The following BEND3 variants were observed in gnomAD, a reference collection of about 807,000 sequenced individuals.
BEND3 encodes BEN domain-containing protein 3.
Under a neutral mutation model 60.1 loss-of-function variants are expected in BEND3, and 13 were observed. The ratio of observed to expected loss-of-function variants is 0.22; its 90% CI spans 0.14 to 0.34. The LOEUF (loss-of-function observed/expected upper bound fraction) is 0.34, where lower values mean the gene tolerates loss of function less well. BEND3 is among the 10% of genes least tolerant of loss of function. BEND3 has a pLI of 1.00. For synonymous variants in BEND3, 497 were observed against 491.5 expected (o/e 1.01, Z -0.15); for missense variants, 896 against 1,138.1 (o/e 0.79, Z 3.06).
At chr6:107,094,321 G>A (rs1480039625) in intron 3 of BEND3, among the ~76,000 whole-genome samples, 4 of 151,918 alleles carry the variant, frequency 2.6e-5, no homozygotes, top group Non-Finnish European at 5.9e-5. Flanking sequence ...TGTCAGGGAA[G>A]CACAAATTAA....
intron 3 of BEND3, among the ~76,000 whole-genome samples, chr6:107,096,653 C>G (rs535905785): frequency 6.6e-6 from 1 of 152,072 alleles, no homozygotes; most frequent in East Asian, 1.9e-4. Flanking sequence ...AATGAAATGC[C>G]CACAATAGGC....
chr6:107,069,215 T>C lies in BEND3; in HGVS notation c.1976A>G (p.Lys659Arg), dbSNP rs1774902205. Residue 659 changes from lysine to arginine, a missense_variant, in exon 4 of 4, where the codon AAG becomes AGG. Physicochemically the swap from Lys to Arg is conservative, Grantham distance 26. Coordinates refer to ENST00000369042, the MANE Select transcript of BEND3 (RefSeq NM_001367314.1). ...EQRRSYQQQR[K>R]VHVPGPECRD... ...GCACTCAGGGCCCGGCACGTGGACC[T>C]TGCGCTGCTGCTGGTAGGAGCGCCT... 1 of 1,612,414 alleles carries C rather than the reference T, an allele frequency of 6.2e-7. No individual in the cohort carries two copies. The highest frequency in any genetic ancestry group is 8.5e-7 in the Non-Finnish European group (1 of 1,179,918).
intron 3 of BEND3, among the ~76,000 whole-genome samples, chr6:107,092,584 C>T (rs1228241232): frequency 6.6e-6 from 1 of 152,168 alleles, no homozygotes; most frequent in African/African-American, 2.4e-5. Context: ...GGATGTCTCC[C>T]TCTCCTCATT....
At chr6:107,094,170 G>C (rs185898465) in intron 3 of BEND3, among the ~76,000 whole-genome samples, 3 of 152,236 alleles carry the variant, frequency 2.0e-5, no homozygotes, top group Non-Finnish European at 4.4e-5. Flanking sequence ...CGAGGAGCTC[G>C]AGACCAGCCT....
chr6:107,111,595 A>T (rs1582678077), intron 1 of BEND3, among the ~76,000 whole-genome samples: 1 of 152,296 alleles, frequency 6.6e-6, no homozygotes, highest in African/African-American at 2.4e-5. Context: ...CATTCCAAAG[A>T]GTAATTCTAC....
chr6:107,100,614 T>TGCAAAAC (rs1465879827), intron 1 of BEND3, among the ~76,000 whole-genome samples: 2 of 152,022 alleles, frequency 1.3e-5, no homozygotes, highest in Non-Finnish European at 2.9e-5. Context: ...GGCTGCAGGG[T>TGCAAAAC]CTGAAGCAAA....
intron 3 of BEND3, among the ~76,000 whole-genome samples, chr6:107,088,489 T>C (rs973670635): frequency 6.6e-6 from 1 of 151,910 alleles, no homozygotes; most frequent in Non-Finnish European, 1.5e-5. Context: ...GTTCAGAGAA[T>C]AGCAAACATG....
In BEND3 at chr6:107,069,352, G is replaced by C; in HGVS notation, c.1839C>G (p.Leu613=). The part of the protein sequence containing the change: ...KKQLDPSRIK[L]IRHYVQLLYP... ...AGAGCAGCTGCACGTAGTGGCGGAT[G>C]AGCTTGATGCGGGAGGGGTCCAGCT... Residue 613 remains leucine, a synonymous_variant, in exon 4 of 4, where the codon CTC becomes CTG. Coordinates refer to ENST00000369042, the MANE Select transcript of BEND3 (RefSeq NM_001367314.1). 1 of 1,612,864 alleles carries C rather than the reference G, an allele frequency of 6.2e-7. No homozygotes were observed. Among genetic ancestry groups the C allele is most frequent in the Non-Finnish European group, 8.5e-7 (1 of 1,179,832 alleles).
chr6:107,093,027 T>A (rs1554235458), intron 3 of BEND3, among the ~76,000 whole-genome samples: 1 of 152,176 alleles, frequency 6.6e-6, no homozygotes, highest in African/African-American at 2.4e-5. Context: ...AGAGGCAGAC[T>A]CAGTATTTTC....
chr6:107,097,580 C>T (rs554089332), intron 3 of BEND3, among the ~76,000 whole-genome samples: 6 of 151,844 alleles, frequency 4.0e-5, no homozygotes, highest in South Asian at 4.2e-4. Flanking sequence ...CACCTGAGGT[C>T]GGGAGTTCAA....
intron 1 of BEND3, among the ~76,000 whole-genome samples, chr6:107,113,589 A>T (rs1400099865): frequency 6.6e-6 from 1 of 152,048 alleles, no homozygotes; most frequent in East Asian, 1.9e-4. Context: ...GGCTCTCTCC[A>T]TTCATTTAGG....
chr6:107,070,461 G>C lies in BEND3; in HGVS notation c.730C>G (p.Pro244Ala). The change falls in exon 4 of 4, where the codon CCT becomes GCT. Residue 244 changes from proline to alanine, a missense_variant. This residue lies in a region of BEND3 where 846 missense variants were observed against 1,036.7 expected (regional missense o/e 0.82). Coordinates refer to ENST00000369042, the MANE Select transcript of BEND3 (RefSeq NM_001367314.1). The surrounding 1 kb of genome is among the most constrained non-coding windows in gnomAD (Gnocchi z 6.9). ...TEMVAKFQPP[P>A]EYQLTAAELK... The stretch of plus-strand genomic sequence containing the variant: ...TCTGCGGCTGTGAGCTGGTACTCAG[G>C]GGGCGGCTGGAATTTGGCCACCATC... 1.2e-6 allele frequency: 2 copies of C among 1,614,158 alleles called. No homozygotes were observed. Among genetic ancestry groups the C allele is most frequent in the Non-Finnish European group, 1.7e-6 (2 of 1,180,028 alleles).
In BEND3 at chr6:107,067,770, T is replaced by C. The variant is rs1774863257; in HGVS notation, c.*934A>G. ...CACACACGGAAAAGTAAACAGTTCA[T>C]GGTGAGCTCAAAGAGGCCCACCCTT... is the stretch of plus-strand genomic sequence containing the variant. On this transcript the variant is annotated 3_prime_UTR_variant, in exon 4 of 4. Coordinates refer to ENST00000369042, the MANE Select transcript of BEND3 (RefSeq NM_001367314.1). 6.6e-6 allele frequency: 1 copy of C among 152,204 alleles called. No homozygotes were observed. The highest frequency in any genetic ancestry group is 1.9e-4 in the East Asian group (1 of 5,196). 9.4% of individuals were successfully genotyped at this position (152,204 alleles called of 1,614,324 possible).
rs993192661 is a variant in BEND3, at chr6:107,069,826, C to T, written c.1365G>A (p.Thr455=). 20 of 1,613,314 alleles carry T rather than the reference C, an allele frequency of 1.2e-5. No homozygotes were observed. Among genetic ancestry groups the T allele is most frequent in the East Asian group, 2.2e-5 (1 of 44,878 alleles). The change falls in exon 4 of 4, where the codon ACG becomes ACA. Residue 455 remains threonine, a synonymous_variant. Transcript: ENST00000369042. The part of the protein sequence containing the change: ...PQRLQIIRNY[T]EIYFPDMQEE... ...CCTGCATGTCAGGGAAGTAGATCTC[C>T]GTGTAGTTGCGGATGATCTGCAGCC...
chr6:107,114,210 C>T (rs1770200386), intron 1 of BEND3: 1 of 152,246 alleles, frequency 6.6e-6, no homozygotes. Context: ...AAGGGCAAAG[C>T]ATGCGTGGGA....
intron 3 of BEND3, among the ~76,000 whole-genome samples, chr6:107,087,226 G>A (rs987276904): frequency 3.9e-5 from 6 of 152,006 alleles, no homozygotes; most frequent in African/African-American, 1.5e-4. Flanking sequence ...GGCTGAGGCA[G>A]GAGAATTGCT....
intron 3 of BEND3, among the ~76,000 whole-genome samples, chr6:107,091,107 C>A (rs1775467159): frequency 6.7e-6 from 1 of 148,940 alleles, no homozygotes. Context: ...GATACTCCAT[C>A]TCGAAAAAAA....
At chr6:107,079,615 C>G (rs1481720415) in intron 3 of BEND3, among the ~76,000 whole-genome samples, 1 of 152,156 alleles carries the variant, frequency 6.6e-6, no homozygotes, top group Non-Finnish European at 1.5e-5. Context: ...GCAAGCCACA[C>G]CCCCATCGCA....
chr6:107,068,414 G>C lies in BEND3; in HGVS notation c.*290C>G, dbSNP rs1582635292. 2.9e-6 allele frequency: 1 copy of C among 346,992 alleles called. No individual in the cohort carries two copies. The highest frequency in any genetic ancestry group is 6.2e-5 in the South Asian group (1 of 16,008). The allele number at this position is 346,992 out of a possible 1,614,324, so 21.5% of individuals were successfully genotyped here. A position where few individuals can be genotyped will look rare whatever the true frequency, so the allele number is the denominator to read the frequency against. ...GGGCTGGGGAGGGCACAACCAGGGA[G>C]AGAGGACCCCTAACCTCTGGTCCCT... On this transcript the variant is annotated 3_prime_UTR_variant, in exon 4 of 4. Transcript: ENST00000369042. This position sits in a 1 kb window ranked among gnomAD's most constrained non-coding sequence, Gnocchi z 5.8.
Sources: gnomAD v4.1 joint callset for allele counts (sites outside exome capture counted in the v4.1 genomes callset) on GRCh38, gnomAD v4.1.1 for gene constraint, gnomAD v4.1.1 regional missense constraint, Gnocchi (gnomAD v3.1) non-coding constraint, MANE v1.5 for transcripts, NCBI Gene and HGNC (gene_info 2026-07-23, HGNC 2026-07-21) for gene names.